The following SNX29 variants were observed in gnomAD, a reference collection of about 807,000 sequenced individuals.
The protein encoded by SNX29 is sorting nexin-29.
A neutral mutation model predicts 102.1 loss-of-function variants in SNX29; 78 were observed. That is an observed-to-expected ratio of 0.76 (90% CI 0.64 to 0.92). SNX29 has a LOEUF of 0.92. Among genes scored for constraint, SNX29 ranks in the 40% least tolerant of loss-of-function variants. The pLI, the probability that SNX29 is intolerant of heterozygous loss-of-function variation, is 0.00. For missense variants in SNX29, 1,280 were observed against 1,061.7 expected, an observed-to-expected ratio of 1.21 and a Z score of -2.86; for synonymous variants, 580 against 414.5, an observed-to-expected ratio of 1.40 and a Z score of -4.85.
chr16:12,101,301 C>CTTTTTTTTT lies in SNX29; in HGVS notation c.1402+22393_1402+22401dup, dbSNP rs1212782573. Among the ~76,000 whole-genome samples, 764 of 118,524 alleles carry CTTTTTTTTT rather than the reference C, an allele frequency of 6.4e-3. 34 individuals are homozygous for CTTTTTTTTT. Among genetic ancestry groups the CTTTTTTTTT allele is most frequent in the African/African-American group, 0.02 (555 of 28,308 alleles). The allele number at this position is 118,524 out of a possible 152,430, so 77.8% of individuals were successfully genotyped here. A position where few individuals can be genotyped will look rare whatever the true frequency, so the allele number is the denominator to read the frequency against. Reference sequence around the variant, plus strand: ...AATGTACCTTTGTGGCCCCCCCCAACTTTTTTTTTTTTTTTGCCTTGCAGA... The same window carrying CTTTTTTTTT: ...AATGTACCTTTGTGGCCCCCCCCAACTTTTTTTTTTTTTTTTTTTTTTTTGCCTTGCAGA... On this transcript the variant is annotated intron_variant, in intron 11 of 20. Transcript: ENST00000566228.
At chr16:12,430,748 G>A (rs1309496605) in intron 18 of SNX29, among the ~76,000 whole-genome samples, 1 of 152,178 alleles carries the variant, frequency 6.6e-6, no homozygotes, top group Non-Finnish European at 1.5e-5. Context: ...CTGGAAGCGG[G>A]CTGTAGAGAA....
Position 12,572,504 on chromosome 16 carries a change from T to C in SNX29, c.*3875T>C. Reference sequence around the variant, plus strand: ...TTCTTGGGGTTCCAGGCCTCGGCCTTCCTGCTCCACGTGCTCAAGCCCCCA... The same window carrying C: ...TTCTTGGGGTTCCAGGCCTCGGCCTCCCTGCTCCACGTGCTCAAGCCCCCA... On this transcript the variant is annotated 3_prime_UTR_variant, in exon 21 of 21. Coordinates refer to ENST00000566228, the MANE Select transcript of SNX29 (RefSeq NM_032167.5). 1 of 1,063,892 alleles carries C rather than the reference T, an allele frequency of 9.4e-7. No homozygotes were observed. The highest frequency in any genetic ancestry group is 1.1e-6 in the Non-Finnish European group (1 of 878,372). The allele number at this position is 1,063,892 out of a possible 1,614,324, so 65.9% of individuals were successfully genotyped here. A position where few individuals can be genotyped will look rare whatever the true frequency, so the allele number is the denominator to read the frequency against.
At chr16:12,433,881 G>T (rs998529335) in intron 18 of SNX29, among the ~76,000 whole-genome samples, 2 of 152,146 alleles carry the variant, frequency 1.3e-5, no homozygotes, top group African/African-American at 4.8e-5. Flanking sequence ...GCTTTCTCTG[G>T]ACCCATTCCA....
chr16:12,020,032 T>C (rs903754551), intron 3 of SNX29, among the ~76,000 whole-genome samples: 9 of 152,180 alleles, frequency 5.9e-5, no homozygotes, highest in African/African-American at 1.9e-4. Flanking sequence ...TATTGACTTA[T>C]CAGTATAAGC....
chr16:12,531,485 CCAAGAGGGGACGTGGG>C (rs2076931317), intron 20 of SNX29, among the ~76,000 whole-genome samples: 1 of 152,152 alleles, frequency 6.6e-6, no homozygotes, highest in African/African-American at 2.4e-5. Context: ...GAAGGCCCTA[CCAAGAGGGGACGTGGG>C]GCCCCACTGT....
intron 14 of SNX29, among the ~76,000 whole-genome samples, chr16:12,212,748 G>A (rs756021712): frequency 1.3e-5 from 2 of 152,046 alleles, no homozygotes; most frequent in Non-Finnish European, 2.9e-5. Flanking sequence ...ACCCCTTATC[G>A]GATGTGTACT....
intron 16 of SNX29, among the ~76,000 whole-genome samples, chr16:12,357,367 C>G (rs923302192): frequency 1.3e-5 from 2 of 152,170 alleles, no homozygotes; most frequent in Non-Finnish European, 2.9e-5. Context: ...ATCCTTATCA[C>G]CCCCATTACC....
At chr16:12,360,838 TATC>T (rs2082280253) in intron 16 of SNX29, among the ~76,000 whole-genome samples, 1 of 152,174 alleles carries the variant, frequency 6.6e-6, no homozygotes, top group South Asian at 2.1e-4. Flanking sequence ...AGGGAGGTGA[TATC>T]ATCTCCATTT....
At chr16:12,124,738 G>T (rs533831771) in intron 11 of SNX29, among the ~76,000 whole-genome samples, 1 of 152,302 alleles carries the variant, frequency 6.6e-6, no homozygotes, top group Admixed American at 6.5e-5. Flanking sequence ...CATTTTCAAT[G>T]CTGCTTTTTA....
intron 11 of SNX29, among the ~76,000 whole-genome samples, chr16:12,105,335 G>T (rs539757261): frequency 6.7e-6 from 1 of 149,526 alleles, no homozygotes; most frequent in African/African-American, 2.5e-5. Flanking sequence ...AGCGATTCTT[G>T]TGCCTCAGCC....
intron 14 of SNX29, among the ~76,000 whole-genome samples, chr16:12,274,304 ATTC>A (rs1567384584): frequency 1.3e-5 from 2 of 152,064 alleles, no homozygotes; most frequent in East Asian, 1.9e-4. Context: ...CTTTGTAAAA[ATTC>A]TTCTTCCACT....
chr16:12,071,033 A>G (rs953745989), intron 10 of SNX29, among the ~76,000 whole-genome samples: 4 of 151,368 alleles, frequency 2.6e-5, no homozygotes, highest in African/African-American at 9.7e-5. Flanking sequence ...TTTTTCTTGT[A>G]AATTTGTTTG....
At chr16:12,181,480 A>G (rs2076383713) in intron 13 of SNX29, among the ~76,000 whole-genome samples, 1 of 152,226 alleles carries the variant, frequency 6.6e-6, no homozygotes, top group South Asian at 2.1e-4. Context: ...AGGCAACCAG[A>G]TAGGCATTCA....
chr16:12,277,057 CTTT>C (rs759987478), intron 14 of SNX29, among the ~76,000 whole-genome samples: 8 of 152,112 alleles, frequency 5.3e-5, no homozygotes, highest in Non-Finnish European at 1.0e-4. Flanking sequence ...CACTGGATCA[CTTT>C]TTTGTTGTAG....
intron 14 of SNX29, among the ~76,000 whole-genome samples, chr16:12,256,675 T>G (rs777699199): frequency 2.6e-5 from 4 of 152,202 alleles, no homozygotes; most frequent in Non-Finnish European, 4.4e-5. Context: ...AGCAGTTGTT[T>G]ATGAAGTGCC....
chr16:12,568,484 G>C (rs766659363), intron 20 of SNX29, 22 bp from the exon 21 acceptor site: 4 of 1,608,036 alleles, frequency 2.5e-6, no homozygotes, highest in Non-Finnish European at 3.4e-6. Context: ...GACTTAACCC[G>C]ATTCTCTCCC....
chr16:12,003,078 A>C, intron 3 of SNX29, 35 bp downstream of exon 3: 1 of 1,612,778 alleles, frequency 6.2e-7, no homozygotes, highest in Non-Finnish European at 8.5e-7. Context: ...TTGACCATCG[A>C]GGTTGGAAAG....
At chr16:12,290,366 C>T (rs1057131346) in intron 15 of SNX29, among the ~76,000 whole-genome samples, 7 of 152,248 alleles carry the variant, frequency 4.6e-5, no homozygotes, top group South Asian at 4.1e-4. Flanking sequence ...TGTCCGTTTT[C>T]GCTGGCTGAC....
intron 14 of SNX29, among the ~76,000 whole-genome samples, chr16:12,273,499 C>T (rs571118058): frequency 5.3e-5 from 8 of 152,100 alleles, no homozygotes; most frequent in African/African-American, 1.9e-4. Flanking sequence ...GTTGGGGTTA[C>T]AGGCGCACAC....
Sources: gnomAD v4.1 joint callset for allele counts (sites outside exome capture counted in the v4.1 genomes callset) on GRCh38, gnomAD v4.1.1 for gene constraint, MANE v1.5 for transcripts, NCBI Gene and HGNC (gene_info 2026-07-23, HGNC 2026-07-21) for gene names.